MYCBP2: variants seen among roughly 807,000 people sequenced by gnomAD.
MYCBP2 encodes E3 ubiquitin-protein ligase MYCBP2.
A neutral mutation model predicts 525.3 loss-of-function variants in MYCBP2; 120 were observed. That is an observed-to-expected ratio of 0.23 (90% CI 0.20 to 0.27). The LOEUF (loss-of-function observed/expected upper bound fraction) is 0.27. MYCBP2 is among the 10% of genes least tolerant of loss of function. The pLI is 1.00. For synonymous variants in MYCBP2, 1,894 were observed against 1,955.8 expected (o/e 0.97, Z 0.83); for missense variants, 4,149 against 5,657.1 (o/e 0.73, Z 8.55).
At chr13:77,282,972 G>GCAA (rs1048379112) in intron 3 of MYCBP2, among the ~76,000 whole-genome samples, 4 of 151,922 alleles carry the variant, frequency 2.6e-5, no homozygotes, top group African/African-American at 9.7e-5. Context: ...CTAGACAACT[G>GCAA]CAATAACTGC....
intron 38 of MYCBP2, 99 bp from the exon 39 acceptor site, chr13:77,169,813 G>T: frequency 9.8e-7 from 1 of 1,025,012 alleles, no homozygotes; most frequent in Non-Finnish European, 1.5e-6. Flanking sequence ...TCTTTTGAGC[G>T]AAACTATAGT....
intron 4 of MYCBP2, 128 bp from the exon 5 acceptor site, chr13:77,273,796 A>T (rs139983670): frequency 1.5e-6 from 1 of 671,694 alleles, no homozygotes. Context: ...ACTTTGCTTT[A>T]GTTTCTTTCT....
At chr13:77,182,070 A>C (rs937819712) in intron 32 of MYCBP2, 148 bp from the exon 33 acceptor site, 2 of 605,188 alleles carry the variant, frequency 3.3e-6, no homozygotes, top group Admixed American at 3.1e-5. Context: ...TTATAGAATA[A>C]TACTACATCT....
chr13:77,104,979 T>C (rs1317676535), intron 55 of MYCBP2, among the ~76,000 whole-genome samples: 1 of 152,090 alleles, frequency 6.6e-6, no homozygotes, highest in Admixed American at 6.6e-5. Context: ...TCTTATGCTA[T>C]TTAAGTGTCA....
intron 17 of MYCBP2, among the ~76,000 whole-genome samples, chr13:77,234,260 C>T (rs1819836708): frequency 6.6e-6 from 1 of 151,834 alleles, no homozygotes; most frequent in African/African-American, 2.4e-5. Context: ...TTTGAAAACA[C>T]TCTAAATTTG....
In MYCBP2 at chr13:77,278,892, C is replaced by T; in HGVS notation, c.614G>A (p.Cys205Tyr). The T allele has an allele frequency of 6.3e-7, 1 of 1,585,434 alleles. No homozygotes were observed. Among genetic ancestry groups the T allele is most frequent in the Non-Finnish European group, 8.6e-7 (1 of 1,167,508 alleles). The change falls in exon 4 of 83, where the codon TGT becomes TAT. Residue 205 changes from cysteine (C) to tyrosine (Y), a missense_variant. Transcript: ENST00000544440. ...CTCTTTGATCAATTCAAAAACTTCACAAAGGCCAACCTCAATAATCTATTT... is the reference window on the plus strand; with the variant it reads ...CTCTTTGATCAATTCAAAAACTTCATAAAGGCCAACCTCAATAATCTATTT... ...KLPKIIEVGLCEVFELIKETR... is the reference protein window; with the variant it reads ...KLPKIIEVGLYEVFELIKETR...
chr13:77,076,108 G>A (rs552854566), intron 68 of MYCBP2: 7 of 152,212 alleles, frequency 4.6e-5, no homozygotes, highest in Admixed American at 3.3e-4. Flanking sequence ...AGTCAGGACC[G>A]AAAAAGTAAA....
chr13:77,059,878 C>G (rs2038951289), intron 76 of MYCBP2, among the ~76,000 whole-genome samples: 1 of 151,990 alleles, frequency 6.6e-6, no homozygotes, highest in African/African-American at 2.4e-5. Context: ...GTGAAAGAAA[C>G]AGACTAGACT....
intron 73 of MYCBP2, among the ~76,000 whole-genome samples, chr13:77,063,406 A>C (rs2154075393): frequency 6.6e-6 from 1 of 152,212 alleles, no homozygotes; most frequent in East Asian, 1.9e-4. Flanking sequence ...AAATACAAAA[A>C]AAATTAGCCA....
At chr13:77,222,206 G>A (rs1054588210) in intron 20 of MYCBP2, among the ~76,000 whole-genome samples, 3 of 152,108 alleles carry the variant, frequency 2.0e-5, no homozygotes, top group African/African-American at 7.2e-5. Flanking sequence ...ATATCAGTTG[G>A]CATCTAACAC....
chr13:77,322,724 G>A (rs1177629753), intron 1 of MYCBP2, among the ~76,000 whole-genome samples: 1 of 152,096 alleles, frequency 6.6e-6, no homozygotes, highest in Non-Finnish European at 1.5e-5. Context: ...GTGAACTAAG[G>A]GAGTCTACCT....
chr13:77,173,889 T>G (rs1374426806), intron 37 of MYCBP2, among the ~76,000 whole-genome samples: 1 of 152,212 alleles, frequency 6.6e-6, no homozygotes, highest in Non-Finnish European at 1.5e-5. Context: ...AGGTCCAAGA[T>G]TCACAGACAT....
chr13:77,160,043 A>G (rs886972248), intron 44 of MYCBP2, among the ~76,000 whole-genome samples: 13 of 152,110 alleles, frequency 8.5e-5, no homozygotes, highest in Admixed American at 4.6e-4. Flanking sequence ...TATGATCAGA[A>G]GACAGTGTTC....
In MYCBP2 at chr13:77,243,828, C is replaced by T; in HGVS notation, c.2505G>A (p.Met835Ile). 1 of 1,613,638 alleles carries T rather than the reference C, an allele frequency of 6.2e-7. No individual in the cohort carries two copies. The highest frequency in any genetic ancestry group is 8.5e-7 in the Non-Finnish European group (1 of 1,179,838). Residue 835 changes from methionine to isoleucine, a missense_variant, in exon 16 of 83, where the codon ATG becomes ATA. By Grantham distance (10) the Met-to-Ile change is conservative (BLOSUM62 1). Around this residue, in one of 21 missense-constraint regions of MYCBP2, gnomAD observed 620 missense variants for 795.5 expected, o/e 0.78. Coordinates refer to ENST00000544440, the MANE Select transcript of MYCBP2 (RefSeq NM_015057.5). ...QRGILDAVKE[M>I]IPLDLLLAVP... ...TACCTAAAAGAAGATCTAAAGGTAT[C>T]ATTTCTTTCACTGCATCAAGAATTC...
At chr13:77,229,276 C>A (rs1315335105) in intron 18 of MYCBP2, among the ~76,000 whole-genome samples, 1 of 152,170 alleles carries the variant, frequency 6.6e-6, no homozygotes, top group African/African-American at 2.4e-5. Flanking sequence ...TCAATATTTA[C>A]TATTGTTACT....
chr13:77,274,010 G>T (rs1346004209), intron 4 of MYCBP2, among the ~76,000 whole-genome samples: 1 of 152,106 alleles, frequency 6.6e-6, no homozygotes, highest in Non-Finnish European at 1.5e-5. Flanking sequence ...TTTAGATTAG[G>T]AGGCTTCTTA....
At chr13:77,118,463 G>C in intron 55 of MYCBP2, 1 of 764,976 alleles carries the variant, frequency 1.3e-6, no homozygotes, top group East Asian at 2.4e-5. Context: ...GGTCGTGACT[G>C]AATGGAATTC....
At chr13:77,143,050 A>G (rs1428863167) in intron 49 of MYCBP2, among the ~76,000 whole-genome samples, 1 of 152,224 alleles carries the variant, frequency 6.6e-6, no homozygotes, top group Non-Finnish European at 1.5e-5. Flanking sequence ...ATTCACACTG[A>G]TAAGTACTAG....
intron 80 of MYCBP2, among the ~76,000 whole-genome samples, chr13:77,053,842 CTCATTTAT>C (rs2037323853): frequency 6.6e-6 from 1 of 152,118 alleles, no homozygotes. Context: ...CATTCTTTCA[CTCATTTAT>C]TCATTCTCCA....
Sources: allele counts gnomAD v4.1 joint callset (sites outside exome capture counted in the v4.1 genomes callset), GRCh38; gene constraint gnomAD v4.1.1; regional missense constraint gnomAD v4.1.1; transcripts MANE v1.5; gene names NCBI Gene and HGNC (gene_info 2026-07-23, HGNC 2026-07-21).